RUNX1: variants seen among roughly 807,000 people sequenced by gnomAD.
RUNX1 encodes RUNX family transcription factor 1.
In RUNX1, 19 loss-of-function variants were observed where a neutral mutation model predicts 42.8. The observed-to-expected ratio is 0.44, with a 90% CI of 0.31 to 0.65. The LOEUF (loss-of-function observed/expected upper bound fraction) is 0.65. Ranked by LOEUF, RUNX1 falls within the 30% of genes least tolerant of loss-of-function variation. The pLI is 0.07. For synonymous variants in RUNX1, 271 were observed against 289.4 expected (o/e 0.94, Z 0.64); for missense variants, 528 against 672.0 (o/e 0.79, Z 2.37).
chr21:35,002,643 G>C (rs2059055127), intron 2 of RUNX1, among the ~76,000 whole-genome samples: 1 of 151,908 alleles, frequency 6.6e-6, no homozygotes, highest in Non-Finnish European at 1.5e-5. Flanking sequence ...GGCCAGGCTG[G>C]TCTTGAACTC....
At chr21:34,986,361 T>C (rs2058887765) in intron 2 of RUNX1, among the ~76,000 whole-genome samples, 1 of 151,652 alleles carries the variant, frequency 6.6e-6, no homozygotes, top group Non-Finnish European at 1.5e-5. Context: ...AAGAGTTTAG[T>C]CTGTGGAGGA....
intron 5 of RUNX1, among the ~76,000 whole-genome samples, chr21:34,877,275 A>T (rs2057828079): frequency 6.6e-6 from 1 of 152,192 alleles, no homozygotes; most frequent in African/African-American, 2.4e-5. Context: ...AAACTGATAT[A>T]AGCTGCTCAG....
rs80275009 is a variant in RUNX1, at chr21:34,846,197, T to C, written c.614-11596A>G. ...TACTTTGTGGGTTTAAGGATGTCTTTTTTTTTTTTTTTTTTTTTCAAATGT... is the reference window on the plus strand; with the variant it reads ...TACTTTGTGGGTTTAAGGATGTCTTCTTTTTTTTTTTTTTTTTTCAAATGT... On this transcript the variant is annotated intron_variant, in intron 6 of 8. Transcript: ENST00000675419. Among the ~76,000 whole-genome samples the C allele has an allele frequency of 9.7e-4, 108 of 110,832 alleles. 2 individuals are homozygous for C. The highest frequency in any genetic ancestry group is 3.9e-3 in the Middle Eastern group (1 of 256). The allele number at this position is 110,832 out of a possible 152,430, so 72.7% of individuals were successfully genotyped here.
At chr21:34,813,876 G>A (rs1168417883) in intron 7 of RUNX1, among the ~76,000 whole-genome samples, 4 of 151,830 alleles carry the variant, frequency 2.6e-5, no homozygotes, top group Non-Finnish European at 4.4e-5. Context: ...CTGCAGTGCG[G>A]AATGGTGAAG....
At chr21:35,041,581 A>G (rs1435847991) in intron 2 of RUNX1, among the ~76,000 whole-genome samples, 7 of 152,226 alleles carry the variant, frequency 4.6e-5, no homozygotes, top group Admixed American at 4.6e-4. Flanking sequence ...CAAAACAAAA[A>G]GAAATTTCTA....
chr21:35,035,707 G>A (rs1008771491), intron 2 of RUNX1, among the ~76,000 whole-genome samples: 5 of 152,156 alleles, frequency 3.3e-5, no homozygotes, highest in African/African-American at 1.2e-4. Flanking sequence ...ACAACAGTGC[G>A]GAGGACACGG....
Position 34,907,172 on chromosome 21 carries a change from G to A in RUNX1, c.59-14209C>T, listed in dbSNP as rs555338808. 3.9e-5 allele frequency among the ~76,000 whole-genome samples: 6 copies of A among 152,068 alleles called. No individual in the cohort carries two copies. Among genetic ancestry groups the A allele is most frequent in the Non-Finnish European group, 8.8e-5 (6 of 68,036 alleles). ...CTTTCCTGGTGTACAGTCTTTGGGG[G>A]CTCTTGACAGCAAGAAAACCTAAAC... On this transcript the variant is annotated intron_variant, in intron 2 of 8. Transcript: ENST00000675419. This position sits in a 1 kb window ranked among gnomAD's most constrained non-coding sequence, Gnocchi z 5.3.
At chr21:35,015,013 T>A (rs1268346328) in intron 2 of RUNX1, among the ~76,000 whole-genome samples, 1 of 152,100 alleles carries the variant, frequency 6.6e-6, no homozygotes, top group Non-Finnish European at 1.5e-5. Context: ...AGGAAGGGAG[T>A]GCACTCAACT....
chr21:34,949,056 G>A (rs887697093), intron 2 of RUNX1, among the ~76,000 whole-genome samples: 1 of 152,172 alleles, frequency 6.6e-6, no homozygotes, highest in Non-Finnish European at 1.5e-5. Flanking sequence ...GCCCGGCCGG[G>A]ATGTGCAGAA....
chr21:35,047,514 A>AACACAC (rs145398828), intron 2 of RUNX1, among the ~76,000 whole-genome samples: 869 of 70,568 alleles, frequency 0.012, 22 homozygotes, highest in Non-Finnish European at 0.018. Context: ...TGCCATCTCC[A>AACACAC]ACACACACAC....
At chr21:34,937,560 G>A (rs16992528) in intron 2 of RUNX1, among the ~76,000 whole-genome samples, 3,889 of 151,954 alleles carry the variant, frequency 0.026, 140 homozygotes, top group African/African-American at 0.081. Context: ...ATGTGAAGTC[G>A]CTCTAAATAT....
At chr21:35,021,236 AATAGCTGT>A (rs774999732) in intron 2 of RUNX1, among the ~76,000 whole-genome samples, 4 of 152,226 alleles carry the variant, frequency 2.6e-5, no homozygotes, top group Non-Finnish European at 5.9e-5. Flanking sequence ...AAATGGGGTG[AATAGCTGT>A]ATCTACTATG....
At position 34,910,510 on chromosome 21, in the gene RUNX1, C is replaced by T. The variant is rs536945731; in HGVS notation, c.59-17547G>A. On this transcript the variant is annotated intron_variant, in intron 2 of 8. Transcript: ENST00000675419. ...CAGAGGCAAAAGCCACTGTCGGTTG[C>T]CCTTTGTCCTCTCTGTCACCAGCCC... 2.6e-5 allele frequency among the ~76,000 whole-genome samples: 4 copies of T among 152,236 alleles called. No homozygotes were observed. The East Asian group carries it at 5.8e-4, about 22-fold the overall frequency.
At chr21:34,835,483 G>A (rs1004527243) in intron 6 of RUNX1, among the ~76,000 whole-genome samples, 5 of 152,024 alleles carry the variant, frequency 3.3e-5, no homozygotes, top group Non-Finnish European at 5.9e-5. Context: ...TCCTCATCAT[G>A]CTCTTCACCA....
intron 2 of RUNX1, among the ~76,000 whole-genome samples, chr21:34,959,650 C>G (rs188465627): frequency 6.6e-6 from 1 of 152,282 alleles, no homozygotes. Context: ...GAGCTGGAAG[C>G]ATCTCATCCG....
intron 6 of RUNX1, among the ~76,000 whole-genome samples, chr21:34,839,254 A>G (rs1421346971): frequency 6.6e-6 from 1 of 151,378 alleles, no homozygotes; most frequent in Non-Finnish European, 1.5e-5. Flanking sequence ...CGACACACAC[A>G]CTCGGAATGT....
rs572640254 is a variant in RUNX1, at chr21:34,876,062, A to G, written c.508+4495T>C. Among the ~76,000 whole-genome samples the G allele has an allele frequency of 2.7e-3, 416 of 152,330 alleles. 4 individuals carry two copies. Among genetic ancestry groups the G allele is most frequent in the African/African-American group, 9.4e-3 (389 of 41,572 alleles). On this transcript the variant is annotated intron_variant, in intron 5 of 8. Transcript: ENST00000675419. ...GAAAGTGGGCAAGATTAAAGCTGCC[A>G]GGGAGGTCAATGTAAACACAAATTC...
chr21:35,047,223 C>CT (rs967667347), intron 2 of RUNX1, among the ~76,000 whole-genome samples: 1 of 151,936 alleles, frequency 6.6e-6, no homozygotes, highest in African/African-American at 2.4e-5. Context: ...CCAGGAAGAT[C>CT]TTTTTTTTCT....
chr21:34,841,379 G>A lies in RUNX1; in HGVS notation c.614-6778C>T, dbSNP rs189319526. ...AGCAGGAATAGCAGAGCCTTTGGTC[G>A]GAAAGAGCTTTTGTACTCTTGTGGG... On this transcript the variant is annotated intron_variant, in intron 6 of 8. Coordinates refer to ENST00000675419, the MANE Select transcript of RUNX1 (RefSeq NM_001754.5). 1.1e-4 allele frequency among the ~76,000 whole-genome samples: 16 copies of A among 152,206 alleles called. No homozygotes were observed. In the East Asian group the frequency reaches 2.3e-3, roughly 22 times the overall value.
Sources: allele counts gnomAD v4.1 joint callset (sites outside exome capture counted in the v4.1 genomes callset), GRCh38; gene constraint gnomAD v4.1.1; non-coding constraint Gnocchi (gnomAD v3.1); transcripts MANE v1.5; gene names NCBI Gene and HGNC (gene_info 2026-07-23, HGNC 2026-07-21).